ANKS1B: variants seen among roughly 807,000 people sequenced by gnomAD.
ANKS1B encodes ankyrin repeat and sterile alpha motif domain-containing protein 1B.
ANKS1B carries 36 observed loss-of-function variants against 148.3 expected under a neutral mutation model. The ratio of observed to expected loss-of-function variants is 0.24; its 90% CI spans 0.19 to 0.32. The LOEUF (loss-of-function observed/expected upper bound fraction) is 0.32, where lower values mean the gene tolerates loss of function less well. ANKS1B is among the 10% of genes least tolerant of loss of function. ANKS1B has a pLI of 1.00. For synonymous variants in ANKS1B, 542 were observed against 560.8 expected, an observed-to-expected ratio of 0.97 and a Z score of 0.47; for missense variants, 1,157 against 1,542.6, an observed-to-expected ratio of 0.75 and a Z score of 4.19.
chr12:99,051,522 T>C (rs1380824392), intron 17 of ANKS1B, among the ~76,000 whole-genome samples: 3 of 152,322 alleles, frequency 2.0e-5, no homozygotes, highest in Admixed American at 6.5e-5. Flanking sequence ...CTTTAAAAAA[T>C]ATCTATGAGT....
chr12:99,677,657 C>T (rs1419748134), intron 8 of ANKS1B, among the ~76,000 whole-genome samples: 1 of 152,158 alleles, frequency 6.6e-6, no homozygotes, highest in Non-Finnish European at 1.5e-5. Context: ...AATAAATTCT[C>T]CATTTTTTAA....
intron 20 of ANKS1B, among the ~76,000 whole-genome samples, chr12:98,806,526 T>C (rs2099052050): frequency 6.6e-6 from 1 of 152,200 alleles, no homozygotes; most frequent in Admixed American, 6.5e-5. Context: ...ATTTCAGAGA[T>C]GGGCTACCCA....
chr12:98,890,316 G>A (rs975360851), intron 17 of ANKS1B, among the ~76,000 whole-genome samples: 2 of 152,182 alleles, frequency 1.3e-5, no homozygotes, highest in Non-Finnish European at 2.9e-5. Context: ...AAGAGATATT[G>A]AAGAGACAAT....
intron 8 of ANKS1B, among the ~76,000 whole-genome samples, chr12:99,656,332 T>C (rs1168736657): frequency 6.6e-6 from 1 of 151,920 alleles, no homozygotes; most frequent in African/African-American, 2.4e-5. Context: ...AGCAGGAAAA[T>C]GGTGGGATCT....
intron 9 of ANKS1B, chr12:99,648,283 T>C (rs1598804394): frequency 6.2e-7 from 1 of 1,614,006 alleles, no homozygotes; most frequent in South Asian, 1.1e-5. Context: ...CAAAGGCGAG[T>C]ATACTATATT....
chr12:99,465,748 C>G (rs925361279), intron 10 of ANKS1B, among the ~76,000 whole-genome samples: 10 of 152,064 alleles, frequency 6.6e-5, no homozygotes, highest in African/African-American at 2.4e-4. Context: ...GCTAACTATC[C>G]TAAATATATA....
At chr12:99,593,563 C>G (rs921755702) in intron 9 of ANKS1B, among the ~76,000 whole-genome samples, 8 of 152,028 alleles carry the variant, frequency 5.3e-5, no homozygotes, top group African/African-American at 1.9e-4. Context: ...CATCCGAATA[C>G]TGGATATCAA....
At chr12:99,525,950 T>C (rs11109896) in intron 9 of ANKS1B, among the ~76,000 whole-genome samples, 30,067 of 151,898 alleles carry the variant, frequency 0.2, 3,174 homozygotes, top group African/African-American at 0.28. Flanking sequence ...CTTTAATATA[T>C]ATAAAGATAA....
intron 4 of ANKS1B, among the ~76,000 whole-genome samples, chr12:99,792,170 A>C (rs911515629): frequency 2.0e-5 from 3 of 151,986 alleles, no homozygotes; most frequent in Admixed American, 1.3e-4. Flanking sequence ...TCCTACATAC[A>C]TACAATCTAC....
intron 4 of ANKS1B, among the ~76,000 whole-genome samples, chr12:99,801,290 G>A (rs1185219859): frequency 6.6e-6 from 1 of 152,110 alleles, no homozygotes; most frequent in African/African-American, 2.4e-5. Flanking sequence ...CTAACTTACA[G>A]CATCAAACAT....
chr12:98,938,565 G>T (rs1030410398), intron 17 of ANKS1B, among the ~76,000 whole-genome samples: 1 of 152,202 alleles, frequency 6.6e-6, no homozygotes, highest in African/African-American at 2.4e-5. Context: ...ACCTAAGGCA[G>T]AGTGCTCTTC....
intron 1 of ANKS1B, among the ~76,000 whole-genome samples, chr12:99,946,902 C>T (rs1470645250): frequency 1.3e-5 from 2 of 152,130 alleles, no homozygotes; most frequent in African/African-American, 4.8e-5. Context: ...TGCAGAACCA[C>T]GACCCACCAA....
rs148627974 is a variant in ANKS1B at position 98,864,045 on chromosome 12, T to G, written c.2779-31909A>C. Among the ~76,000 whole-genome samples, 470 of 152,228 alleles carry G rather than the reference T, an allele frequency of 3.1e-3. 4 individuals carry two copies. Among genetic ancestry groups the G allele is most frequent in the African/African-American group, 0.011 (443 of 41,528 alleles). ...CTTCAATAACCGTAAGAGCTGGCGT[T>G]CTCTCCAAGACTCTGTTCCTTGAAG... On this transcript the variant is annotated intron_variant, in intron 17 of 26. Coordinates refer to ENST00000683438, the MANE Select transcript of ANKS1B (RefSeq NM_001352186.2).
intron 17 of ANKS1B, among the ~76,000 whole-genome samples, chr12:99,033,819 C>A (rs1473831983): frequency 6.6e-6 from 1 of 152,174 alleles, no homozygotes; most frequent in Non-Finnish European, 1.5e-5. Context: ...AGGTCAGGAG[C>A]CTTTTAATTA....
At chr12:98,770,736 C>T (rs763056945) in intron 25 of ANKS1B, among the ~76,000 whole-genome samples, 4 of 152,146 alleles carry the variant, frequency 2.6e-5, no homozygotes, top group East Asian at 1.9e-4. Flanking sequence ...GCCTGACTCA[C>T]GGACCTTAAG....
chr12:99,392,544 T>G (rs1374182544), intron 12 of ANKS1B, among the ~76,000 whole-genome samples: 3 of 152,214 alleles, frequency 2.0e-5, no homozygotes, highest in African/African-American at 7.2e-5. Context: ...TGAAGATAAT[T>G]AGTTACCCAA....
At chr12:99,306,854 G>A (rs1381353106) in intron 12 of ANKS1B, among the ~76,000 whole-genome samples, 1 of 151,746 alleles carries the variant, frequency 6.6e-6, no homozygotes, top group East Asian at 1.9e-4. Context: ...CTCAAGGAAG[G>A]ATTTTATATT....
rs1348065981 is a variant in ANKS1B, at chr12:99,773,585, GAAAC to G, written c.962-501_962-498del. Among the ~76,000 whole-genome samples, 5 of 152,018 alleles carry G rather than the reference GAAAC, an allele frequency of 3.3e-5. No homozygotes were observed. In the East Asian group the frequency reaches 5.8e-4, roughly 18 times the overall value. On this transcript the variant is annotated intron_variant, in intron 7 of 26. Coordinates refer to ENST00000683438, the MANE Select transcript of ANKS1B (RefSeq NM_001352186.2). ...TATGATATAAAGTAAAAACACAAAA[GAAAC>G]AAACAATATGCATCATCTGTCAAAC... is the stretch of plus-strand genomic sequence containing the variant.
At chr12:98,738,076 T>C (rs1049660959) in intron 9 of ANKS1B, among the ~76,000 whole-genome samples, 21 of 152,194 alleles carry the variant, frequency 1.4e-4, no homozygotes, top group Admixed American at 1.4e-3. Flanking sequence ...GAAGAATTAC[T>C]GTATATGCTC....
Sources: gnomAD v4.1 joint callset for allele counts (sites outside exome capture counted in the v4.1 genomes callset) on GRCh38, gnomAD v4.1.1 for gene constraint, MANE v1.5 for transcripts, NCBI Gene and HGNC (gene_info 2026-07-23, HGNC 2026-07-21) for gene names.